The following ATXN7L1 variants were observed in gnomAD, a reference collection of about 807,000 sequenced individuals.
ATXN7L1 encodes ataxin-7-like protein 1.
In ATXN7L1, 15 loss-of-function variants were observed where a neutral mutation model predicts 70.8. The ratio of observed to expected loss-of-function variants is 0.21; its 90% CI spans 0.14 to 0.33. The LOEUF is 0.33. Ranked by LOEUF, ATXN7L1 falls within the 10% of genes least tolerant of loss-of-function variation. The pLI is 1.00. For missense variants in ATXN7L1, 975 were observed against 1,097.1 expected (o/e 0.89, Z 1.57); for synonymous variants, 440 against 445.1 (o/e 0.99, Z 0.14).
At chr7:105,754,784 T>A (rs1654367619) in intron 3 of ATXN7L1, among the ~76,000 whole-genome samples, 1 of 152,214 alleles carries the variant, frequency 6.6e-6, no homozygotes, top group African/African-American at 2.4e-5. Context: ...TTAAATCAGA[T>A]GTTCACTGAG....
intron 3 of ATXN7L1, among the ~76,000 whole-genome samples, chr7:105,768,618 A>G (rs1425075696): frequency 6.6e-6 from 1 of 152,228 alleles, no homozygotes; most frequent in African/African-American, 2.4e-5. Flanking sequence ...CAGTTCTCTT[A>G]TTACCCATTG....
rs534916845 is a variant in ATXN7L1 at position 105,679,035 on chromosome 7, C to T, written c.356-13747G>A. 1.6e-5 allele frequency: 16 copies of T among 978,094 alleles called. No homozygotes were observed. The South Asian group carries it at 7.1e-4, about 43-fold the overall frequency. 60.6% of individuals were successfully genotyped at this position (978,094 alleles called of 1,614,324 possible). ...ACGCCGTCCTGTGTGGCCCTCGTGC[C>T]CTGCGCTCACACTTACACATCCCGG... On this transcript the variant is annotated intron_variant, in intron 3 of 11. Coordinates refer to ENST00000419735, the MANE Select transcript of ATXN7L1 (RefSeq NM_020725.2).
At chr7:105,860,568 C>G (rs1816482668) in intron 2 of ATXN7L1, among the ~76,000 whole-genome samples, 1 of 152,082 alleles carries the variant, frequency 6.6e-6, no homozygotes, top group South Asian at 2.1e-4. Context: ...TCCAGACTGA[C>G]TTTTTAAAAA....
At chr7:105,696,373 A>T (rs868537598) in intron 3 of ATXN7L1, among the ~76,000 whole-genome samples, 1 of 152,250 alleles carries the variant, frequency 6.6e-6, no homozygotes, top group African/African-American at 2.4e-5. Context: ...GTGAATCAGA[A>T]CAGTCTTGGC....
chr7:105,737,528 C>CGTGTGTGTGTGTGTGTGT (rs71520935), intron 3 of ATXN7L1, among the ~76,000 whole-genome samples: 6 of 148,728 alleles, frequency 4.0e-5, no homozygotes, highest in East Asian at 2.0e-4. Flanking sequence ...CTAACGTCCC[C>CGTGTGTGTGTGTGTGTGT]GTGTGTGTGT....
chr7:105,783,318 A>G (rs1250948976), intron 3 of ATXN7L1, among the ~76,000 whole-genome samples: 1 of 152,216 alleles, frequency 6.6e-6, no homozygotes, highest in South Asian at 2.1e-4. Context: ...AAACCCTTGT[A>G]ACTTCCTGAG....
At chr7:105,810,460 A>G (rs761541048) in intron 2 of ATXN7L1, among the ~76,000 whole-genome samples, 11 of 152,202 alleles carry the variant, frequency 7.2e-5, no homozygotes, top group Non-Finnish European at 1.5e-4. Context: ...GTTATAAAAA[A>G]ACAAACAAAC....
intron 3 of ATXN7L1, among the ~76,000 whole-genome samples, chr7:105,714,516 A>G (rs1354999727): frequency 6.6e-6 from 1 of 152,080 alleles, no homozygotes; most frequent in African/African-American, 2.4e-5. Flanking sequence ...ATTATAATAC[A>G]TATTACAGTT....
chr7:105,667,046 A>T (rs1400430219), intron 3 of ATXN7L1, among the ~76,000 whole-genome samples: 1 of 152,196 alleles, frequency 6.6e-6, no homozygotes, highest in Admixed American at 6.5e-5. Context: ...CTCATCTCTC[A>T]TGATTCCTGG....
At chr7:105,813,334 A>ATT (rs1283299992) in intron 2 of ATXN7L1, among the ~76,000 whole-genome samples, 1 of 124,908 alleles carries the variant, frequency 8.0e-6, no homozygotes, top group African/African-American at 3.1e-5. Flanking sequence ...CACAATCTAC[A>ATT]ATTTTTTTTT....
chr7:105,841,017 A>G (rs1166519521), intron 2 of ATXN7L1, among the ~76,000 whole-genome samples: 1 of 152,262 alleles, frequency 6.6e-6, no homozygotes, highest in Non-Finnish European at 1.5e-5. Flanking sequence ...AGGCCAGGAC[A>G]GATCACTTGG....
intron 2 of ATXN7L1, among the ~76,000 whole-genome samples, chr7:105,825,896 A>G (rs1317372748): frequency 6.6e-6 from 1 of 152,198 alleles, no homozygotes; most frequent in African/African-American, 2.4e-5. Flanking sequence ...GCTTGATGTA[A>G]CCACATACCT....
intron 3 of ATXN7L1, among the ~76,000 whole-genome samples, chr7:105,724,542 C>T (rs1245573934): frequency 2.1e-5 from 3 of 140,270 alleles, no homozygotes; most frequent in Admixed American, 7.7e-5. Flanking sequence ...CCATTGCACT[C>T]CAGCCTGGAC....
At chr7:105,727,926 G>C (rs1414722749) in intron 3 of ATXN7L1, among the ~76,000 whole-genome samples, 1 of 150,692 alleles carries the variant, frequency 6.6e-6, no homozygotes, top group Non-Finnish European at 1.5e-5. Flanking sequence ...TATGTTTAGG[G>C]TAGGGACTGG....
intron 2 of ATXN7L1, among the ~76,000 whole-genome samples, chr7:105,801,208 G>A (rs1199485518): frequency 7.9e-5 from 12 of 152,288 alleles, no homozygotes; most frequent in African/African-American, 2.4e-4. Flanking sequence ...TTAGTATGAA[G>A]TTTCACTGGA....
At chr7:105,620,088 AGAATCATTTT>A in intron 9 of ATXN7L1, 102 bp downstream of exon 9, 1 of 1,339,588 alleles carries the variant, frequency 7.5e-7, no homozygotes. Context: ...TCCTGACTTC[AGAATCATTTT>A]GTTCTATGAA....
At chr7:105,876,252 G>A (rs1819274337) in intron 1 of ATXN7L1, 126 bp downstream of exon 1, 2 of 1,219,062 alleles carry the variant, frequency 1.6e-6, no homozygotes, top group East Asian at 5.2e-5. Flanking sequence ...TTTAGAGAGA[G>A]AGGGAGAAGC....
chr7:105,768,718 T>C (rs546960580), intron 3 of ATXN7L1, among the ~76,000 whole-genome samples: 14 of 152,310 alleles, frequency 9.2e-5, no homozygotes, highest in African/African-American at 2.9e-4. Context: ...GGCCAAGCAA[T>C]GAAAGGGTAG....
chr7:105,767,618 T>G (rs1801452447), intron 3 of ATXN7L1, among the ~76,000 whole-genome samples: 1 of 152,212 alleles, frequency 6.6e-6, no homozygotes, highest in Non-Finnish European at 1.5e-5. Context: ...TTTATCCTCC[T>G]GACAACCTCT....
Sources: gnomAD v4.1 joint callset for allele counts (sites outside exome capture counted in the v4.1 genomes callset) on GRCh38, gnomAD v4.1.1 for gene constraint, MANE v1.5 for transcripts, NCBI Gene and HGNC (gene_info 2026-07-23, HGNC 2026-07-21) for gene names.